ZBTB16: variants seen among roughly 807,000 people sequenced by gnomAD.
ZBTB16 encodes zinc finger and BTB domain containing 16.
ZBTB16 carries 8 observed loss-of-function variants against 56.8 expected under a neutral mutation model. The ratio of observed to expected loss-of-function variants is 0.14; its 90% CI spans 0.08 to 0.25. ZBTB16 has a LOEUF of 0.25. ZBTB16 is among the 10% of genes least tolerant of loss of function. The probability of loss-of-function intolerance (pLI) is 1.00; values close to 1 mark genes in which losing one functional copy is unlikely to be tolerated. For missense variants in ZBTB16, 625 were observed against 903.0 expected (o/e 0.69, Z 3.95); for synonymous variants, 363 against 368.5 (o/e 0.98, Z 0.17).
At chr11:114,226,097 G>A (rs1010622802) in intron 4 of ZBTB16, among the ~76,000 whole-genome samples, 1 of 152,180 alleles carries the variant, frequency 6.6e-6, no homozygotes, top group African/African-American at 2.4e-5. Flanking sequence ...GGGCCAAGAA[G>A]TATTTTCTTA....
At chr11:114,138,714 A>G (rs7110057) in intron 2 of ZBTB16, among the ~76,000 whole-genome samples, 4,474 of 151,460 alleles carry the variant, frequency 0.03, 230 homozygotes, top group African/African-American at 0.1. Flanking sequence ...TATTTGACAC[A>G]GAGTCTTGCT....
At chr11:114,173,547 T>C (rs1943025602) in intron 3 of ZBTB16, among the ~76,000 whole-genome samples, 1 of 152,218 alleles carries the variant, frequency 6.6e-6, no homozygotes. Flanking sequence ...CTAGGAGGGA[T>C]GCCTAGGCCT....
intron 2 of ZBTB16, among the ~76,000 whole-genome samples, chr11:114,078,939 C>G (rs1939663309): frequency 6.6e-6 from 1 of 151,786 alleles, no homozygotes; most frequent in Non-Finnish European, 1.5e-5. Flanking sequence ...GTAATCCCAG[C>G]TAGTCGGGGG....
intron 2 of ZBTB16, among the ~76,000 whole-genome samples, chr11:114,117,710 G>T (rs894160680): frequency 6.6e-6 from 1 of 152,224 alleles, no homozygotes; most frequent in Non-Finnish European, 1.5e-5. Flanking sequence ...AATATTTGCA[G>T]TGGGTCTTGA....
chr11:114,229,835 A>T (rs936760758), intron 4 of ZBTB16, among the ~76,000 whole-genome samples: 1 of 152,166 alleles, frequency 6.6e-6, no homozygotes, highest in Non-Finnish European at 1.5e-5. Context: ...GATGGGTGGT[A>T]TTGGGCCGGG....
At chr11:114,210,069 G>A in intron 4 of ZBTB16, 1 of 504,578 alleles carries the variant, frequency 2.0e-6, no homozygotes, top group Non-Finnish European at 2.6e-6. Flanking sequence ...TGAGCCTGCT[G>A]AGAAGAGCAG....
intron 3 of ZBTB16, among the ~76,000 whole-genome samples, chr11:114,170,999 A>G (rs1591745958): frequency 6.6e-6 from 1 of 152,222 alleles, no homozygotes; most frequent in East Asian, 1.9e-4. Context: ...GACATAATCC[A>G]GCACATCTGA....
Position 114,059,933 on chromosome 11 carries a change from G to T in ZBTB16, c.-91+51G>T, listed in dbSNP as rs1169292394. On this transcript the variant is annotated intron_variant, in intron 1 of 6. Coordinates refer to ENST00000335953, the MANE Select transcript of ZBTB16 (RefSeq NM_006006.6). This position sits in a 1 kb window ranked among gnomAD's most constrained non-coding sequence, Gnocchi z 5.3. ...CACCGCCCAGCGAGCGCCGCGCGCCGGGGCTTCCCGGGGCTGGAGAGGTCT... is the reference window on the plus strand; with the variant it reads ...CACCGCCCAGCGAGCGCCGCGCGCCTGGGCTTCCCGGGGCTGGAGAGGTCT... The T allele has an allele frequency of 2.5e-6, 1 of 395,670 alleles. No individual in the cohort carries two copies. The highest frequency in any genetic ancestry group is 2.1e-5 in the African/African-American group (1 of 48,492). The allele number at this position is 395,670 out of a possible 1,614,324, so 24.5% of individuals were successfully genotyped here.
chr11:114,124,425 C>T (rs1024556316), intron 2 of ZBTB16, among the ~76,000 whole-genome samples: 9 of 151,944 alleles, frequency 5.9e-5, no homozygotes, highest in East Asian at 1.9e-4. Flanking sequence ...GAACCTCTTT[C>T]GCCAACCCCC....
chr11:114,071,246 T>A (rs1196930888), intron 2 of ZBTB16, among the ~76,000 whole-genome samples: 1 of 21,044 alleles, frequency 4.8e-5, no homozygotes, highest in Admixed American at 8.4e-4. Context: ...GTGTTCTGAC[T>A]TTTTTTTTTT....
chr11:114,173,681 G>A (rs1381727267), intron 3 of ZBTB16, among the ~76,000 whole-genome samples: 1 of 152,232 alleles, frequency 6.6e-6, no homozygotes, highest in Non-Finnish European at 1.5e-5. Flanking sequence ...ATGGGGAAGA[G>A]CAGAGGCCTT....
intron 4 of ZBTB16, among the ~76,000 whole-genome samples, chr11:114,214,590 CT>C (rs1272934542): frequency 2.0e-5 from 3 of 151,488 alleles, no homozygotes; most frequent in Non-Finnish European, 2.9e-5. Flanking sequence ...TATTTGGGGG[CT>C]TTTTTTTGGC....
intron 3 of ZBTB16, among the ~76,000 whole-genome samples, chr11:114,162,082 T>G (rs1393205594): frequency 6.6e-6 from 1 of 152,218 alleles, no homozygotes; most frequent in East Asian, 1.9e-4. Flanking sequence ...GGGGAAAGAA[T>G]GAAGGCTTTC....
At chr11:114,240,219 G>A (rs1199965996) in intron 4 of ZBTB16, among the ~76,000 whole-genome samples, 1 of 152,220 alleles carries the variant, frequency 6.6e-6, no homozygotes, top group Non-Finnish European at 1.5e-5. Context: ...GAGGGGCACA[G>A]AAGTGTGGGG....
chr11:114,219,466 G>A (rs186913498), intron 4 of ZBTB16, among the ~76,000 whole-genome samples: 2 of 152,212 alleles, frequency 1.3e-5, no homozygotes, highest in East Asian at 1.9e-4. Flanking sequence ...CTTTGGATGG[G>A]GTGCTGGGGA....
intron 1 of ZBTB16, among the ~76,000 whole-genome samples, chr11:114,062,410 CTCTT>C (rs1329073597): frequency 1.3e-5 from 2 of 152,230 alleles, no homozygotes; most frequent in Non-Finnish European, 2.9e-5. Context: ...GCCCCACACA[CTCTT>C]TCTGTCTGTC....
At chr11:114,069,946 C>G (rs548159449) in intron 2 of ZBTB16, among the ~76,000 whole-genome samples, 3 of 152,216 alleles carry the variant, frequency 2.0e-5, no homozygotes, top group South Asian at 4.2e-4. Flanking sequence ...GTGGCAAAAC[C>G]TGATCTGAAC....
At chr11:114,100,441 T>A (rs543275203) in intron 2 of ZBTB16, among the ~76,000 whole-genome samples, 2 of 152,222 alleles carry the variant, frequency 1.3e-5, no homozygotes, top group South Asian at 2.1e-4. Flanking sequence ...CCACCCTCTA[T>A]GCCCCCTACT....
intron 3 of ZBTB16, among the ~76,000 whole-genome samples, chr11:114,157,853 C>G (rs1055477267): frequency 2.0e-5 from 3 of 152,168 alleles, no homozygotes; most frequent in Admixed American, 2.0e-4. Context: ...CCCATGTCTT[C>G]GTGCATTCTG....
Sources: gnomAD v4.1 joint callset for allele counts (sites outside exome capture counted in the v4.1 genomes callset) on GRCh38, gnomAD v4.1.1 for gene constraint, Gnocchi (gnomAD v3.1) non-coding constraint, MANE v1.5 for transcripts, NCBI Gene and HGNC (gene_info 2026-07-23, HGNC 2026-07-21) for gene names.